Variants in NEDD4 observed in about 807,000 individuals in gnomAD.
The protein encoded by NEDD4 is E3 ubiquitin-protein ligase NEDD4.
In NEDD4, 99 loss-of-function variants were observed where a neutral mutation model predicts 144.9. That is an observed-to-expected ratio of 0.68 (90% CI 0.58 to 0.81). NEDD4 has a LOEUF of 0.81. NEDD4 is among the 30% of genes least tolerant of loss of function. The pLI, the probability that NEDD4 is intolerant of heterozygous loss-of-function variation, is 0.00. For synonymous variants in NEDD4, 318 were observed against 350.6 expected (o/e 0.91, Z 1.04); for missense variants, 985 against 1,065.9 (o/e 0.92, Z 1.06).
chr15:55,840,041 T>TATATAA (rs1428035593), intron 21 of NEDD4, among the ~76,000 whole-genome samples: 25 of 70,482 alleles, frequency 3.5e-4, no homozygotes, highest in African/African-American at 1.0e-3. Context: ...TATATATATA[T>TATATAA]AACATTCATC....
intron 6 of NEDD4, 45 bp downstream of exon 6, chr15:55,873,913 T>TAA (rs535265678): frequency 1.8e-6 from 2 of 1,100,744 alleles, no homozygotes; most frequent in Admixed American, 5.4e-5. Context: ...TTTATTAAAT[T>TAA]AAAAAAATAA....
chr15:55,935,553 G>C (rs934967249), intron 4 of NEDD4, among the ~76,000 whole-genome samples: 2 of 151,922 alleles, frequency 1.3e-5, no homozygotes, highest in African/African-American at 4.8e-5. Context: ...TTTTTAAAGG[G>C]ATACTCAGCA....
chr15:55,984,579 T>C (rs2037859745), intron 1 of NEDD4, among the ~76,000 whole-genome samples: 1 of 152,254 alleles, frequency 6.6e-6, no homozygotes, highest in Admixed American at 6.5e-5. Flanking sequence ...TTCATATTAC[T>C]CTCTTCATTG....
chr15:55,936,047 A>G (rs1252815189), intron 4 of NEDD4, among the ~76,000 whole-genome samples: 2 of 151,982 alleles, frequency 1.3e-5, no homozygotes, highest in Middle Eastern at 3.2e-3. Flanking sequence ...GATTAAAGCT[A>G]ATCAGTGTGC....
chr15:55,938,021 T>C (rs2036925500), intron 4 of NEDD4, among the ~76,000 whole-genome samples: 1 of 152,140 alleles, frequency 6.6e-6, no homozygotes, highest in African/African-American at 2.4e-5. Flanking sequence ...TCCACTGATC[T>C]TTGACTCAGG....
At chr15:55,869,760 C>A in intron 7 of NEDD4, 79 bp from the exon 8 acceptor site, 1 of 905,066 alleles carries the variant, frequency 1.1e-6, no homozygotes. Context: ...TTAATGAACA[C>A]CCACTAGGTA....
At chr15:55,988,529 G>T (rs1334838620) in intron 1 of NEDD4, among the ~76,000 whole-genome samples, 1 of 138,778 alleles carries the variant, frequency 7.2e-6, no homozygotes, top group Admixed American at 7.2e-5. Context: ...AAATGTTACA[G>T]ATTAGAAGAG....
chr15:55,959,736 C>A (rs941981732), intron 2 of NEDD4, among the ~76,000 whole-genome samples: 1 of 152,164 alleles, frequency 6.6e-6, no homozygotes, highest in Admixed American at 6.5e-5. Flanking sequence ...GAAGCTGAGA[C>A]GGCCTCCAGC....
chr15:55,891,228 C>T (rs1273905521), intron 5 of NEDD4, among the ~76,000 whole-genome samples: 1 of 152,052 alleles, frequency 6.6e-6, no homozygotes, highest in Non-Finnish European at 1.5e-5. Flanking sequence ...ATGAAATGAT[C>T]CCAAATAGCT....
intron 4 of NEDD4, among the ~76,000 whole-genome samples, chr15:55,948,871 T>G (rs1595868747): frequency 6.6e-6 from 1 of 152,196 alleles, no homozygotes; most frequent in Non-Finnish European, 1.5e-5. Context: ...ACCCAGGCAG[T>G]ACCATTCAGG....
intron 14 of NEDD4, 126 bp from the exon 15 acceptor site, chr15:55,849,012 T>C: frequency 1.4e-6 from 1 of 717,976 alleles, no homozygotes. Context: ...CAATTTATAC[T>C]TTATTTCCTA....
chr15:55,846,038 C>T (rs990741529), intron 18 of NEDD4, among the ~76,000 whole-genome samples: 6 of 152,122 alleles, frequency 3.9e-5, no homozygotes, highest in Admixed American at 3.9e-4. Flanking sequence ...CCACCCACCT[C>T]GACCTCCCAA....
intron 8 of NEDD4, 113 bp from the exon 9 acceptor site, chr15:55,863,192 G>T: frequency 2.3e-6 from 2 of 885,862 alleles, no homozygotes; most frequent in Non-Finnish European, 3.1e-6. Context: ...TAGAAATTAT[G>T]CATAGACAGA....
At chr15:55,983,351 C>A (rs1356875889) in intron 1 of NEDD4, among the ~76,000 whole-genome samples, 1 of 152,166 alleles carries the variant, frequency 6.6e-6, no homozygotes, top group Non-Finnish European at 1.5e-5. Context: ...GTATACAATT[C>A]CAAATCCTTA....
intron 2 of NEDD4, among the ~76,000 whole-genome samples, chr15:55,953,771 A>T (rs766996104): frequency 1.3e-5 from 2 of 152,106 alleles, no homozygotes; most frequent in Non-Finnish European, 2.9e-5. Flanking sequence ...GCCAGGCTGG[A>T]GTGCAATGGC....
intron 1 of NEDD4, among the ~76,000 whole-genome samples, chr15:55,988,531 T>C (rs1323857402): frequency 1.4e-5 from 2 of 143,016 alleles, no homozygotes; most frequent in African/African-American, 5.2e-5. Flanking sequence ...ATGTTACAGA[T>C]TAGAAGAGAC....
In NEDD4 at chr15:55,939,074, C is replaced by A. The variant is rs1325098015; in HGVS notation, c.237+12302G>T. On this transcript the variant is annotated intron_variant, in intron 4 of 28. Transcript: ENST00000435532. ...TAAGCCATGATTGTGCCACTGCGCT[C>A]CAACCTGGATAATAGAGTGAGACCG... 5.9e-5 allele frequency among the ~76,000 whole-genome samples: 9 copies of A among 151,950 alleles called. No individual in the cohort carries two copies. In the East Asian group the frequency reaches 1.7e-3, roughly 29 times the overall value.
At chr15:55,852,308 A>T (rs1229948121) in intron 13 of NEDD4, 116 bp downstream of exon 13, 1 of 1,241,650 alleles carries the variant, frequency 8.1e-7, no homozygotes, top group Non-Finnish European at 1.1e-6. Context: ...AAAAATAAAA[A>T]AAAAAAAGAA....
chr15:55,948,679 A>T (rs1313313131), intron 4 of NEDD4, among the ~76,000 whole-genome samples: 50 of 152,198 alleles, frequency 3.3e-4, no homozygotes, highest in Non-Finnish European at 6.3e-4. Context: ...TCTTTGACAA[A>T]CCTGACAAAA....
Sources: allele counts gnomAD v4.1 joint callset (sites outside exome capture counted in the v4.1 genomes callset), GRCh38; gene constraint gnomAD v4.1.1; transcripts MANE v1.5; gene names NCBI Gene and HGNC (gene_info 2026-07-23, HGNC 2026-07-21).